Variants in NUMA1 observed in about 807,000 individuals in gnomAD.
NUMA1 encodes SP-H antigen.
Under a neutral mutation model 237.1 loss-of-function variants are expected in NUMA1, and 62 were observed. The ratio of observed to expected loss-of-function variants is 0.26; its 90% CI spans 0.21 to 0.32. The LOEUF (loss-of-function observed/expected upper bound fraction) is 0.32. Ranked by LOEUF, NUMA1 falls within the 10% of genes least tolerant of loss-of-function variation. The pLI is 1.00. For missense variants in NUMA1, 2,533 were observed against 2,666.5 expected (o/e 0.95, Z 1.10); for synonymous variants, 1,028 against 1,066.1 (o/e 0.96, Z 0.70).
intron 3 of NUMA1, among the ~76,000 whole-genome samples, chr11:72,031,855 T>C (rs1390074062): frequency 6.7e-6 from 1 of 149,100 alleles, no homozygotes; most frequent in Non-Finnish European, 1.5e-5. Flanking sequence ...TTAGGCTAGG[T>C]GTGGTGGCTC....
intron 1 of NUMA1, among the ~76,000 whole-genome samples, chr11:72,080,031 T>C (rs2136423037): frequency 6.6e-6 from 1 of 152,260 alleles, no homozygotes; most frequent in South Asian, 2.1e-4. Flanking sequence ...AACAGGTGGT[T>C]AGAAGATTAA....
At chr11:72,051,643 G>T (rs1273792835) in intron 2 of NUMA1, among the ~76,000 whole-genome samples, 4 of 151,940 alleles carry the variant, frequency 2.6e-5, no homozygotes, top group Admixed American at 2.6e-4. Context: ...AGCTAGTTTT[G>T]TACTTTTTGT....
At chr11:72,078,490 G>A (rs906709316) in intron 1 of NUMA1, among the ~76,000 whole-genome samples, 3 of 152,232 alleles carry the variant, frequency 2.0e-5, no homozygotes, top group African/African-American at 7.2e-5. Context: ...AGCCACCTGA[G>A]CAGGGCTTTG....
chr11:72,004,352 GAGGAC>G lies in NUMA1; in HGVS notation c.6007-16_6007-12del. ...GGTGGCCTTCTTAGACTATGGAGAA[GAGGAC>G]AGTTAGGCAGACAGTAGCAAGAGGA... On this transcript the variant is annotated splice_polypyrimidine_tract_variant and intron_variant, in intron 24 of 26. Transcript: ENST00000393695. 6.2e-7 allele frequency: 1 copy of G among 1,608,472 alleles called. No homozygotes were observed. Among genetic ancestry groups the G allele is most frequent in the Non-Finnish European group, 8.5e-7 (1 of 1,176,564 alleles).
rs1455876025 is a variant in NUMA1 at position 72,017,692 on chromosome 11, C to G, written c.1114G>C (p.Asp372His). Residue 372 changes from aspartate (D) to histidine (H), a missense_variant, in exon 13 of 27, where the codon GAC becomes CAC. Physicochemically the swap from Asp to His is moderately conservative, Grantham distance 81. Coordinates refer to ENST00000393695, the MANE Select transcript of NUMA1 (RefSeq NM_006185.4). ...LEKELSAALQ[D>H]KKCLEEKNEI... ...TGACCCCAGCAGAGGGTTACCTTGTCCTGCAGGGCTGCGCTGAGCTCCTTC... is the reference window on the plus strand; with the variant it reads ...TGACCCCAGCAGAGGGTTACCTTGTGCTGCAGGGCTGCGCTGAGCTCCTTC... The G allele has an allele frequency of 6.8e-6, 11 of 1,613,132 alleles. No homozygotes were observed. The highest frequency in any genetic ancestry group is 9.3e-6 in the Non-Finnish European group (11 of 1,180,028).
chr11:72,020,875 A>AAAAAAT lies in NUMA1; in HGVS notation c.460+323_460+328dup, dbSNP rs768149488. On this transcript the variant is annotated intron_variant, in intron 8 of 26. Coordinates refer to ENST00000393695, the MANE Select transcript of NUMA1 (RefSeq NM_006185.4). Reference sequence around the variant, plus strand: ...CGACAGAGAGAGACTCTGTCTCAAAAAAAAATAAAAATAAAAATAAAAAGA... The same window carrying AAAAAAT: ...CGACAGAGAGAGACTCTGTCTCAAAAAAAAATAAAAATAAAAATAAAAATAAAAAGA... 1.5e-4 allele frequency: 28 copies of AAAAAAT among 185,452 alleles called. No homozygotes were observed. The South Asian group carries it at 1.6e-3, about 10-fold the overall frequency. 11.5% of individuals were successfully genotyped at this position (185,452 alleles called of 1,614,324 possible).
At chr11:72,020,978 A>C in intron 8 of NUMA1, 1 of 508,762 alleles carries the variant, frequency 2.0e-6, no homozygotes. Context: ...TCACTTGTAA[A>C]TATCCTACAT....
chr11:72,070,511 G>C (rs956662613), intron 1 of NUMA1, among the ~76,000 whole-genome samples: 13 of 152,172 alleles, frequency 8.5e-5, no homozygotes, highest in Admixed American at 8.5e-4. Context: ...GCAGGTAACA[G>C]AAACAAATTA....
At chr11:72,036,105 C>G (rs912332113) in intron 2 of NUMA1, 130 bp from the exon 3 acceptor site, 9 of 680,174 alleles carry the variant, frequency 1.3e-5, no homozygotes, top group Non-Finnish European at 2.0e-5. Context: ...ACCAAGACAC[C>G]ATGGGAATTT....
intron 2 of NUMA1, among the ~76,000 whole-genome samples, chr11:72,049,802 AAC>A (rs1486604635): frequency 6.6e-6 from 1 of 150,406 alleles, no homozygotes; most frequent in African/African-American, 2.4e-5. Flanking sequence ...TAGCCTGGGC[AAC>A]AGAGTGAGAC....
At position 72,014,084 on chromosome 11, in the gene NUMA1, T is replaced by C; in HGVS notation, c.3419A>G (p.Gln1140Arg). ...SKLEQQCQKQ[Q>R]EQADSLERSL... is the part of the protein sequence containing the mutation. Reference sequence around the variant, plus strand: ...GCGTTCCAGGCTGTCAGCCTGCTCCTGCTGCTTCTGGCATTGCTGTTCCAG... The same window carrying C: ...GCGTTCCAGGCTGTCAGCCTGCTCCCGCTGCTTCTGGCATTGCTGTTCCAG... Residue 1140 changes from glutamine (Q) to arginine (R), a missense_variant, in exon 15 of 27, where the codon CAG becomes CGG. By Grantham distance (43) the Gln-to-Arg change is conservative (BLOSUM62 1). This residue lies in a region of NUMA1 where 1,414 missense variants were observed against 1,508.1 expected (regional missense o/e 0.94). Transcript: ENST00000393695. The surrounding 1 kb of genome is among the most constrained non-coding windows in gnomAD (Gnocchi z 4.6). 2 of 1,611,068 alleles carry C rather than the reference T, an allele frequency of 1.2e-6. No individual in the cohort carries two copies. The highest frequency in any genetic ancestry group is 1.3e-5 in the African/African-American group (1 of 75,062).
chr11:72,058,803 G>C (rs904637396), intron 2 of NUMA1, among the ~76,000 whole-genome samples: 2 of 152,134 alleles, frequency 1.3e-5, no homozygotes, highest in African/African-American at 4.8e-5. Context: ...ACTTGCACAT[G>C]CTATCCCCCT....
intron 3 of NUMA1, among the ~76,000 whole-genome samples, chr11:72,030,476 A>G (rs1276640816): frequency 2.0e-5 from 3 of 152,220 alleles, no homozygotes; most frequent in Admixed American, 6.5e-5. Flanking sequence ...AGATAGGCAT[A>G]CATTTAAATC....
intron 21 of NUMA1, 21 bp from the exon 22 acceptor site, chr11:72,006,284 G>C: frequency 6.2e-7 from 1 of 1,607,356 alleles, no homozygotes; most frequent in Non-Finnish European, 8.5e-7. Flanking sequence ...GAGTGAATCT[G>C]TTGCAGTGTA....
At chr11:72,077,357 A>AGAAAGACAAACAGAAAG (rs1943757598) in intron 1 of NUMA1, among the ~76,000 whole-genome samples, 1 of 152,196 alleles carries the variant, frequency 6.6e-6, no homozygotes, top group African/African-American at 2.4e-5. Flanking sequence ...GAAGATCTTA[A>AGAAAGACAAACAGAAAG]AAACAAACAG....
rs923108654 is a variant in NUMA1 at position 72,007,888 on chromosome 11, C to T, written c.5217-453G>A. 8 of 353,386 alleles carry T rather than the reference C, an allele frequency of 2.3e-5. No homozygotes were observed. The East Asian group carries it at 4.3e-4, about 19-fold the overall frequency. The allele number at this position is 353,386 out of a possible 1,614,324, so 21.9% of individuals were successfully genotyped here. A position where few individuals can be genotyped will look rare whatever the true frequency, so the allele number is the denominator to read the frequency against. ...GCTCCTAACCACACCCCACTCCATG[C>T]TCATGTCCTTTCCCTGGTCTGCTTC... On this transcript the variant is annotated intron_variant, in intron 20 of 26. Coordinates refer to ENST00000393695, the MANE Select transcript of NUMA1 (RefSeq NM_006185.4).
chr11:72,004,923 C>T (rs1955585355), intron 23 of NUMA1, 107 bp from the exon 24 acceptor site: 2 of 1,134,734 alleles, frequency 1.8e-6, no homozygotes, highest in African/African-American at 1.6e-5. Context: ...TGGTCGGGAC[C>T]CTTCCTGCCT....
Position 72,015,899 on chromosome 11 carries a change from A to G in NUMA1, c.1604T>C (p.Leu535Pro). The G allele has an allele frequency of 6.2e-7, 1 of 1,614,084 alleles. No homozygotes were observed. Among genetic ancestry groups the G allele is most frequent in the Non-Finnish European group, 8.5e-7 (1 of 1,180,022 alleles). ...TTCTTGCTGTTGGAGGGTCTGTGCT[A>G]GCTGGGCCTGCTTCTCTTTGGCCTG... The part of the protein sequence containing the change: ...KQQAKEKQAQ[L>P]AQTLQQQEQA... Residue 535 changes from leucine (L) to proline (P), a missense_variant, in exon 15 of 27, where the codon CTA (leucine) becomes CCA (proline). Physicochemically the swap from Leu to Pro is moderately conservative, Grantham distance 98. This residue lies in a region of NUMA1 where 1,414 missense variants were observed against 1,508.1 expected (regional missense o/e 0.94). Coordinates refer to ENST00000393695, the MANE Select transcript of NUMA1 (RefSeq NM_006185.4). The surrounding 1 kb of genome is among the most constrained non-coding windows in gnomAD (Gnocchi z 4.0).
intron 20 of NUMA1, 148 bp downstream of exon 20, chr11:72,008,540 C>T (rs1590871510): frequency 1.1e-6 from 1 of 894,726 alleles, no homozygotes; most frequent in East Asian, 2.7e-5. Context: ...CAACTGTGCC[C>T]TAAATAGATA....
Sources: gnomAD v4.1 joint callset for allele counts (sites outside exome capture counted in the v4.1 genomes callset) on GRCh38, gnomAD v4.1.1 for gene constraint, gnomAD v4.1.1 regional missense constraint, Gnocchi (gnomAD v3.1) non-coding constraint, MANE v1.5 for transcripts, NCBI Gene and HGNC (gene_info 2026-07-23, HGNC 2026-07-21) for gene names.